Variants in CCK observed in about 807,000 individuals in gnomAD.
The protein encoded by CCK is cholecystokinin, also known as cholecystokinin triacontatriapeptide.
Under a neutral mutation model 10.1 loss-of-function variants are expected in CCK, and 11 were observed. The ratio of observed to expected loss-of-function variants is 1.09; its 90% CI spans 0.69 to 1.81. The LOEUF (loss-of-function observed/expected upper bound fraction) is 1.81. CCK is among the 40% of genes most tolerant of loss of function. The pLI, the probability that CCK is intolerant of heterozygous loss-of-function variation, is 0.00. For missense variants in CCK, 137 were observed against 159.9 expected (o/e 0.86, Z 0.77); for synonymous variants, 83 against 71.9 (o/e 1.15, Z -0.78).
intron 3 of CCK, chr3:42,263,993 G>A (rs1457554055): frequency 4.6e-6 from 1 of 217,804 alleles, no homozygotes; most frequent in Non-Finnish European, 8.9e-6. Flanking sequence ...ATTAAAAATA[G>A]TGTGAAAAAA....
At chr3:42,258,374 G>T (rs1268190917) in intron 4 of CCK, 143 bp from the exon 5 acceptor site, 1 of 694,782 alleles carries the variant, frequency 1.4e-6, no homozygotes, top group Non-Finnish European at 2.2e-6. Context: ...TCAAAGTAGT[G>T]GAACTGATGG....
rs11571853 is a variant in CCK at position 42,262,192 on chromosome 3, C to T, written c.214+1225G>A. Among the ~76,000 whole-genome samples the T allele has an allele frequency of 2.8e-3, 422 of 149,998 alleles. 1 individual carries two copies. Among genetic ancestry groups the T allele is most frequent in the Non-Finnish European group, 5.2e-3 (354 of 67,632 alleles). On this transcript the variant is annotated intron_variant, in intron 4 of 4. Transcript: ENST00000396169. ...GGAAAAGGCAACACACCTACCACAT[C>T]CCTTCCAGCAGTGTTTGCTAAGTTC...
At position 42,265,955 on chromosome 3, in the gene CCK, C is replaced by T. The variant is rs1301182010; in HGVS notation, c.-654G>A. The T allele has an allele frequency of 2.6e-5, 4 of 152,216 alleles. No individual in the cohort carries two copies. The highest frequency in any genetic ancestry group is 2.0e-4 in the Admixed American group (3 of 15,286). The allele number at this position is 152,216 out of a possible 1,614,324, so 9.4% of individuals were successfully genotyped here. A position where few individuals can be genotyped will look rare whatever the true frequency, so the allele number is the denominator to read the frequency against. ...CAACCCCATTTCACAGACCGCAAAC[C>T]GAGGCGCGAGGAAGAGCAGCGCCTT... On this transcript the variant is annotated 5_prime_UTR_variant, in exon 1 of 5. Transcript: ENST00000396169.
chr3:42,259,382 A>G (rs1711182849), intron 4 of CCK, among the ~76,000 whole-genome samples: 2 of 152,360 alleles, frequency 1.3e-5, no homozygotes, highest in African/African-American at 4.8e-5. Context: ...CCTTTGCTAC[A>G]TAAATACTCT....
At chr3:42,260,629 C>T (rs1711197892) in intron 4 of CCK, among the ~76,000 whole-genome samples, 1 of 152,186 alleles carries the variant, frequency 6.6e-6, no homozygotes, top group Non-Finnish European at 1.5e-5. Flanking sequence ...AAGCCTGATT[C>T]CTATGGGCCA....
rs765546324 is a variant in CCK at position 42,263,614 on chromosome 3, C to T, written c.17G>A (p.Cys6Tyr). The T allele has an allele frequency of 1.3e-6, 2 of 1,599,894 alleles. No individual in the cohort carries two copies. Among genetic ancestry groups the T allele is most frequent in the Non-Finnish European group, 1.7e-6 (2 of 1,173,030 alleles). ...CAGTACCGCCATCAGCACGCACAGG[C>T]ACACGCCGCTGTTCATGGCTGTAGC... is the stretch of plus-strand genomic sequence containing the variant. MNSGV[C>Y]LCVLMAVLAA... Residue 6 changes from cysteine (C) to tyrosine (Y), a missense_variant, in exon 4 of 5, where the codon TGC becomes TAC. Cys to Tyr is a radical substitution (Grantham distance 194). Coordinates refer to ENST00000396169, the MANE Select transcript of CCK (RefSeq NM_000729.6).
chr3:42,263,792 C>G, intron 3 of CCK, 160 bp from the exon 4 acceptor site: 1 of 1,291,926 alleles, frequency 7.7e-7, no homozygotes, highest in Non-Finnish European at 1.0e-6. Context: ...TGACCCCAGC[C>G]GAGTGCCATG....
chr3:42,258,917 A>C (rs1711175105), intron 4 of CCK, among the ~76,000 whole-genome samples: 1 of 152,228 alleles, frequency 6.6e-6, no homozygotes, highest in Non-Finnish European at 1.5e-5. Flanking sequence ...CGTTTACTGC[A>C]GCACTATTCA....
chr3:42,261,222 G>A (rs1041177242), intron 4 of CCK, among the ~76,000 whole-genome samples: 3 of 152,224 alleles, frequency 2.0e-5, no homozygotes, highest in African/African-American at 7.2e-5. Context: ...GCATTGTCTT[G>A]TTTAGAACTT....
At chr3:42,258,412 A>AATG (rs929405474) in intron 4 of CCK, among the ~76,000 whole-genome samples, 181 bp from the exon 5 acceptor site, 93 of 152,338 alleles carry the variant, frequency 6.1e-4, no homozygotes, top group African/African-American at 2.2e-3. Flanking sequence ...GAGAAGGACC[A>AATG]ATGTCTGTGT....
At chr3:42,258,887 T>G (rs991556270) in intron 4 of CCK, among the ~76,000 whole-genome samples, 1 of 152,176 alleles carries the variant, frequency 6.6e-6, no homozygotes, top group African/African-American at 2.4e-5. Context: ...CATTCTGCTA[T>G]AAAGACACAT....
intron 4 of CCK, chr3:42,263,133 G>C (rs1711238966): frequency 3.8e-6 from 2 of 531,096 alleles, no homozygotes; most frequent in African/African-American, 3.8e-5. Context: ...CCTTTCCTAG[G>C]CTTCAATAAT....
chr3:42,257,868 A>G lies in CCK; in HGVS notation c.*230T>C. 1 of 496,370 alleles carries G rather than the reference A, an allele frequency of 2.0e-6. No individual in the cohort carries two copies. Among genetic ancestry groups the G allele is most frequent in the Non-Finnish European group, 3.5e-6 (1 of 282,316 alleles). The allele number at this position is 496,370 out of a possible 1,614,324, so 30.7% of individuals were successfully genotyped here. On this transcript the variant is annotated 3_prime_UTR_variant, in exon 5 of 5. Coordinates refer to ENST00000396169, the MANE Select transcript of CCK (RefSeq NM_000729.6). ...AATAGCATAACAACATTTTCAGACCAGGAGTCACAGATGAAGAAAACATTT... is the reference window on the plus strand; with the variant it reads ...AATAGCATAACAACATTTTCAGACCGGGAGTCACAGATGAAGAAAACATTT...
At chr3:42,264,534 G>C (rs1711260688) in intron 3 of CCK, among the ~76,000 whole-genome samples, 163 bp downstream of exon 3, 1 of 151,936 alleles carries the variant, frequency 6.6e-6, no homozygotes, top group Non-Finnish European at 1.5e-5. Context: ...CTCACTTTTA[G>C]ACCCAGAGCC....
In CCK at chr3:42,258,091, G is replaced by C; in HGVS notation, c.*7C>G. On this transcript the variant is annotated 3_prime_UTR_variant, in exon 5 of 5. Transcript: ENST00000396169. ...GCTTCCCGTTGGGCTGATGGCGGCT[G>C]GGTCCTCTAGGAGGGGTACTCATAC... The C allele has an allele frequency of 1.2e-6, 2 of 1,607,700 alleles. No individual in the cohort carries two copies. Among genetic ancestry groups the C allele is most frequent in the Admixed American group, 1.7e-5 (1 of 58,416 alleles).
chr3:42,264,183 G>A (rs892005903), intron 3 of CCK, among the ~76,000 whole-genome samples: 1 of 152,108 alleles, frequency 6.6e-6, no homozygotes, highest in Non-Finnish European at 1.5e-5. Context: ...GTGTACGTGG[G>A]AAATGGCAAT....
intron 4 of CCK, 145 bp downstream of exon 4, chr3:42,263,272 T>C (rs1711240521): frequency 7.9e-7 from 1 of 1,265,502 alleles, no homozygotes; most frequent in Non-Finnish European, 1.2e-6. Context: ...CCTTCTCAGA[T>C]TGCTACAAAG....
intron 4 of CCK, among the ~76,000 whole-genome samples, chr3:42,258,702 T>C (rs2149570254): frequency 6.6e-6 from 1 of 152,236 alleles, no homozygotes; most frequent in Non-Finnish European, 1.5e-5. Context: ...GTTATTAAGG[T>C]GGCACAATTA....
intron 3 of CCK, chr3:42,263,853 C>G: frequency 3.3e-6 from 2 of 599,876 alleles, no homozygotes; most frequent in Non-Finnish European, 5.3e-6. Context: ...CCTCACCCAG[C>G]GCCAAGGGGC....
Sources: gnomAD v4.1 joint callset for allele counts (sites outside exome capture counted in the v4.1 genomes callset) on GRCh38, gnomAD v4.1.1 for gene constraint, MANE v1.5 for transcripts, NCBI Gene and HGNC (gene_info 2026-07-23, HGNC 2026-07-21) for gene names.